PKNOX2: variants seen among roughly 807,000 people sequenced by gnomAD.
PKNOX2 encodes homeobox protein PKNOX2.
A neutral mutation model predicts 53.1 loss-of-function variants in PKNOX2; 14 were observed. That is an observed-to-expected ratio of 0.26 (90% CI 0.17 to 0.41). The LOEUF (loss-of-function observed/expected upper bound fraction) is 0.41, where lower values mean the gene tolerates loss of function less well. Among genes scored for constraint, PKNOX2 ranks in the 10% least tolerant of loss-of-function variants. The pLI is 1.00. For synonymous variants in PKNOX2, 257 were observed against 242.8 expected (o/e 1.06, Z -0.54); for missense variants, 496 against 602.8 (o/e 0.82, Z 1.85).
chr11:125,360,500 C>T (rs753862782), intron 4 of PKNOX2, among the ~76,000 whole-genome samples: 45 of 152,202 alleles, frequency 3.0e-4, no homozygotes, highest in Admixed American at 7.2e-4. Flanking sequence ...AACTGAGGCT[C>T]AGAGGAACTG....
At chr11:125,420,918 G>C (rs541563827) in intron 10 of PKNOX2, among the ~76,000 whole-genome samples, 86 of 152,240 alleles carry the variant, frequency 5.6e-4, no homozygotes, top group African/African-American at 1.7e-3. Context: ...TGAAAGCAGA[G>C]AGCAGTCTCT....
chr11:125,416,096 G>A (rs1276666771), intron 10 of PKNOX2, among the ~76,000 whole-genome samples: 1 of 151,878 alleles, frequency 6.6e-6, no homozygotes, highest in Non-Finnish European at 1.5e-5. Context: ...GAGGTCAGGA[G>A]ATCGAGACCA....
intron 1 of PKNOX2, among the ~76,000 whole-genome samples, chr11:125,203,341 C>T (rs966355001): frequency 2.0e-5 from 3 of 152,212 alleles, no homozygotes; most frequent in African/African-American, 7.2e-5. Context: ...CTCCCGGGCT[C>T]AAGCGATCCT....
intron 7 of PKNOX2, among the ~76,000 whole-genome samples, chr11:125,406,000 G>C (rs944365534): frequency 6.6e-6 from 1 of 152,174 alleles, no homozygotes; most frequent in African/African-American, 2.4e-5. Context: ...GGCTCTGGGT[G>C]CTGAAAAAAG....
At chr11:125,198,232 A>G (rs1937972186) in intron 1 of PKNOX2, among the ~76,000 whole-genome samples, 1 of 152,202 alleles carries the variant, frequency 6.6e-6, no homozygotes, top group African/African-American at 2.4e-5. Context: ...GAGAAGTCAA[A>G]TGTTCCACCA....
At chr11:125,400,494 T>G (rs1038807797) in intron 7 of PKNOX2, among the ~76,000 whole-genome samples, 3 of 152,170 alleles carry the variant, frequency 2.0e-5, no homozygotes, top group Non-Finnish European at 4.4e-5. Flanking sequence ...GGGAGGGCTT[T>G]CACATCTGCC....
At chr11:125,246,061 G>C (rs1421378374) in intron 2 of PKNOX2, among the ~76,000 whole-genome samples, 1 of 152,220 alleles carries the variant, frequency 6.6e-6, no homozygotes, top group Non-Finnish European at 1.5e-5. Context: ...GTTCTACCTA[G>C]AGATGTCCAG....
intron 1 of PKNOX2, among the ~76,000 whole-genome samples, chr11:125,178,565 CGAAGGAAG>C (rs1176892919): frequency 3.0e-4 from 18 of 60,354 alleles, no homozygotes; most frequent in African/African-American, 1.1e-3. Context: ...AAGGAAGGAA[CGAAGGAAG>C]GAAGGAAGGA....
rs563042108 is a variant in PKNOX2 at position 125,212,600 on chromosome 11, GT to G, written c.-200-22443del. On this transcript the variant is annotated intron_variant, in intron 1 of 12. Transcript: ENST00000298282. The stretch of plus-strand genomic sequence containing the variant: ...CTTAAAGAGCCTGTCAGAGCTCGGT[GT>G]TGCCAGGGGACTACACTGAACAGAG... Among the ~76,000 whole-genome samples the G allele has an allele frequency of 4.5e-3, 682 of 151,828 alleles. 12 individuals carry two copies. The highest frequency in any genetic ancestry group is 0.016 in the African/African-American group (660 of 41,406).
chr11:125,395,591 A>G (rs1020990551), intron 6 of PKNOX2, among the ~76,000 whole-genome samples: 10 of 152,034 alleles, frequency 6.6e-5, no homozygotes, highest in Non-Finnish European at 1.3e-4. Flanking sequence ...TGGTGTTGTC[A>G]TATTTATTTC....
chr11:125,426,948 C>A (rs140133850), intron 10 of PKNOX2, among the ~76,000 whole-genome samples: 2 of 152,328 alleles, frequency 1.3e-5, no homozygotes, highest in Non-Finnish European at 2.9e-5. Context: ...CAGAAAGGCA[C>A]GCGAGGACAG....
intron 1 of PKNOX2, among the ~76,000 whole-genome samples, chr11:125,169,939 C>T (rs1245361988): frequency 6.6e-6 from 1 of 152,248 alleles, no homozygotes; most frequent in Non-Finnish European, 1.5e-5. Context: ...CAGCCCGCTT[C>T]TTCCAAATGG....
At position 125,166,147 on chromosome 11, in the gene PKNOX2, A is replaced by G. The variant is rs946975197; in HGVS notation, c.-201+1371A>G. On this transcript the variant is annotated intron_variant, in intron 1 of 12. Coordinates refer to ENST00000298282, the MANE Select transcript of PKNOX2 (RefSeq NM_001382323.2). This position sits in a 1 kb window ranked among gnomAD's most constrained non-coding sequence, Gnocchi z 4.0. ...GATAAGTAGTTTACACGCCGGCCAG[A>G]GCAGAGGGCTGGAGGTCGGAGTTGG... is the stretch of plus-strand genomic sequence containing the variant. 1.3e-5 allele frequency among the ~76,000 whole-genome samples: 2 copies of G among 152,120 alleles called. No homozygotes were observed. Among genetic ancestry groups the G allele is most frequent in the Non-Finnish European group, 2.9e-5 (2 of 68,022 alleles).
chr11:125,400,085 G>T (rs1457874542), intron 7 of PKNOX2, among the ~76,000 whole-genome samples: 1 of 152,208 alleles, frequency 6.6e-6, no homozygotes, highest in Non-Finnish European at 1.5e-5. Context: ...CTGCCTGGAA[G>T]TGAGGCTGGC....
chr11:125,312,502 G>A (rs1332887298), intron 2 of PKNOX2, among the ~76,000 whole-genome samples: 1 of 152,202 alleles, frequency 6.6e-6, no homozygotes, highest in Non-Finnish European at 1.5e-5. Flanking sequence ...GAGCAGACAG[G>A]CTGTGAGGTG....
chr11:125,379,936 C>T lies in PKNOX2; in HGVS notation c.228-5615C>T, dbSNP rs544840519. Among the ~76,000 whole-genome samples the T allele has an allele frequency of 1.4e-4, 18 of 125,590 alleles. No individual in the cohort carries two copies. In the East Asian group the frequency reaches 3.9e-3, roughly 27 times the overall value. 82.4% of individuals were successfully genotyped at this position (125,590 alleles called of 152,430 possible). On this transcript the variant is annotated intron_variant, in intron 5 of 12. Coordinates refer to ENST00000298282, the MANE Select transcript of PKNOX2 (RefSeq NM_001382323.2). ...GTTCTTTATTTCTTTGGATCGTTAACAAGAACTGCATATCTTAAGTTTGAT... is the reference window on the plus strand; with the variant it reads ...GTTCTTTATTTCTTTGGATCGTTAATAAGAACTGCATATCTTAAGTTTGAT...
chr11:125,357,780 A>G (rs1303831684), intron 4 of PKNOX2, among the ~76,000 whole-genome samples: 1 of 152,226 alleles, frequency 6.6e-6, no homozygotes, highest in Non-Finnish European at 1.5e-5. Flanking sequence ...AATCTCGTAG[A>G]AATTCAGCAA....
At chr11:125,333,527 A>ACACAC (rs1419353685) in intron 3 of PKNOX2, among the ~76,000 whole-genome samples, 1 of 147,146 alleles carries the variant, frequency 6.8e-6, no homozygotes, top group Non-Finnish European at 1.5e-5. Flanking sequence ...TTGCCCTCTC[A>ACACAC]GTCCCAAGAC....
chr11:125,398,158 G>C, intron 7 of PKNOX2, 96 bp downstream of exon 7: 1 of 1,321,388 alleles, frequency 7.6e-7, no homozygotes, highest in Non-Finnish European at 1.0e-6. Context: ...ACCTTCACTG[G>C]GTTAGACCCA....
Sources: allele counts gnomAD v4.1 joint callset (sites outside exome capture counted in the v4.1 genomes callset), GRCh38; gene constraint gnomAD v4.1.1; non-coding constraint Gnocchi (gnomAD v3.1); transcripts MANE v1.5; gene names NCBI Gene and HGNC (gene_info 2026-07-23, HGNC 2026-07-21).